Variants in EXD1 observed in about 807,000 individuals in gnomAD.
EXD1 encodes the protein exonuclease 3'-5' domain containing 1, also known as piRNA biogenesis protein EXD1.
EXD1 carries 63 observed loss-of-function variants against 49.1 expected under a neutral mutation model. That is an observed-to-expected ratio of 1.28 (90% CI 1.05 to 1.58). The LOEUF (loss-of-function observed/expected upper bound fraction) is 1.58. EXD1 is among the 40% of genes most tolerant of loss of function. The pLI is 0.00. For missense variants in EXD1, 748 were observed against 666.0 expected (o/e 1.12, Z -1.36); for synonymous variants, 234 against 239.2 (o/e 0.98, Z 0.20).
Position 41,183,956 on chromosome 15 carries a change from A to C in EXD1, c.1694T>G (p.Ile565Arg). Residue 565 changes from isoleucine (I) to arginine (R), a missense_variant, in exon 12 of 12, where the codon ATA (isoleucine) becomes AGA (arginine). Coordinates refer to ENST00000458580, the MANE Select transcript of EXD1 (RefSeq NM_001286441.2). The part of the protein sequence containing the change: ...CPALEKIDSW[I>R]SPFLNLP ...CTAGGGCAGATTTAGAAAAGGACTT[A>C]TCCAGGAATCGATCTTCTCCAAGGC... 2 of 1,605,140 alleles carry C rather than the reference A, an allele frequency of 1.2e-6. No homozygotes were observed. The highest frequency in any genetic ancestry group is 2.7e-5 in the African/African-American group (2 of 74,678).
At position 41,221,873 on chromosome 15, in the gene EXD1, G is replaced by A. The variant is rs138103771; in HGVS notation, c.134-1975C>T. On this transcript the variant is annotated intron_variant, in intron 2 of 11. Transcript: ENST00000458580. Reference sequence around the variant, plus strand: ...ATTCCAGCACTTGAGAGGCTGAGGCGGGTGGATCATGAGGTCAGGAGTTCA... The same window carrying A: ...ATTCCAGCACTTGAGAGGCTGAGGCAGGTGGATCATGAGGTCAGGAGTTCA... 5.0e-3 allele frequency among the ~76,000 whole-genome samples: 754 copies of A among 151,926 alleles called. 4 individuals carry two copies. Among genetic ancestry groups the A allele is most frequent in the Middle Eastern group, 0.014 (4 of 292 alleles).
chr15:41,199,419 CTT>C (rs778431643), intron 7 of EXD1, among the ~76,000 whole-genome samples: 106 of 147,704 alleles, frequency 7.2e-4, no homozygotes, highest in Non-Finnish European at 1.4e-3. Flanking sequence ...TTTTAAGAGT[CTT>C]TCAAAAAAAA....
chr15:41,200,853 A>C (rs1177163751), intron 7 of EXD1, among the ~76,000 whole-genome samples: 2 of 151,548 alleles, frequency 1.3e-5, no homozygotes, highest in African/African-American at 4.9e-5. Flanking sequence ...AACAACCCCC[A>C]CACATCTGGG....
intron 9 of EXD1, among the ~76,000 whole-genome samples, 183 bp from the exon 10 acceptor site, chr15:41,191,768 C>T (rs1195776733): frequency 6.6e-6 from 1 of 151,212 alleles, no homozygotes; most frequent in Non-Finnish European, 1.5e-5. Context: ...AAAAAAAAAA[C>T]GGAATAAAAG....
chr15:41,192,276 T>G (rs541646810), intron 9 of EXD1: 1 of 152,658 alleles, frequency 6.6e-6, no homozygotes, highest in East Asian at 1.9e-4. Context: ...AACCCAACTT[T>G]GCGTTTCCTT....
At chr15:41,190,389 C>T (rs2046493832) in intron 10 of EXD1, 2 of 398,808 alleles carry the variant, frequency 5.0e-6, no homozygotes, top group East Asian at 5.4e-5. Flanking sequence ...AGGAGAATCG[C>T]TTAAACCTGG....
chr15:41,206,865 C>T (rs1243605181), intron 7 of EXD1, among the ~76,000 whole-genome samples: 11 of 145,926 alleles, frequency 7.5e-5, no homozygotes, highest in African/African-American at 2.8e-4. Flanking sequence ...TGTGATCTGC[C>T]CACCGTAGCC....
At chr15:41,203,239 G>A (rs1207837050) in intron 7 of EXD1, among the ~76,000 whole-genome samples, 1 of 152,014 alleles carries the variant, frequency 6.6e-6, no homozygotes, top group African/African-American at 2.4e-5. Context: ...ATGAGGAGAC[G>A]TAACCCCCCA....
At chr15:41,206,859 A>G (rs1425186911) in intron 7 of EXD1, among the ~76,000 whole-genome samples, 1 of 130,298 alleles carries the variant, frequency 7.7e-6, no homozygotes, top group African/African-American at 2.8e-5. Context: ...TGACCTTGTG[A>G]TCTGCCCACC....
rs576612217 is a variant in EXD1 at position 41,184,511 on chromosome 15, T to C, written c.1139A>G (p.Tyr380Cys). 11 of 1,613,824 alleles carry C rather than the reference T, an allele frequency of 6.8e-6. No homozygotes were observed. The highest frequency in any genetic ancestry group is 6.7e-5 in the East Asian group (3 of 44,888). Residue 380 changes from tyrosine (Y) to cysteine (C), a missense_variant, in exon 12 of 12, where the codon TAT becomes TGT. Physicochemically the swap from Tyr to Cys is radical, Grantham distance 194. Coordinates refer to ENST00000458580, the MANE Select transcript of EXD1 (RefSeq NM_001286441.2). ...CAGGAGTCCCTGTGCATTCACCCTA[T>C]ATTCTCTTGCAGCTTTCTCCCTGCG... is the stretch of plus-strand genomic sequence containing the variant. ...KQRREKAARE[Y>C]RVNAQGLLIR...
In EXD1 at chr15:41,191,591, G is replaced by C. The variant is rs774082866; in HGVS notation, c.721-6C>G. On this transcript the variant is annotated splice_polypyrimidine_tract_variant and splice_region_variant and intron_variant, in intron 9 of 11. Coordinates refer to ENST00000458580, the MANE Select transcript of EXD1 (RefSeq NM_001286441.2). ...AACTGAAGTACATCTGCTACCTGTG[G>C]TATTTTAAAAAGACAAACAGACCAG... is the stretch of plus-strand genomic sequence containing the variant. 2 of 1,613,186 alleles carry C rather than the reference G, an allele frequency of 1.2e-6. No homozygotes were observed. Among genetic ancestry groups the C allele is most frequent in the Admixed American group, 3.3e-5 (2 of 59,876 alleles).
chr15:41,222,130 C>A (rs773055494), intron 2 of EXD1, among the ~76,000 whole-genome samples: 4 of 151,624 alleles, frequency 2.6e-5, no homozygotes, highest in Non-Finnish European at 4.4e-5. Context: ...AATTTTCAAA[C>A]GGGGCCAGGC....
intron 1 of EXD1, among the ~76,000 whole-genome samples, chr15:41,227,783 C>T (rs964744148): frequency 6.6e-6 from 1 of 152,042 alleles, no homozygotes. Flanking sequence ...GGTGCAGTGG[C>T]TTATGCCAGT....
intron 10 of EXD1, chr15:41,190,474 C>A: frequency 1.6e-5 from 4 of 242,776 alleles, no homozygotes; most frequent in Admixed American, 4.9e-5. Context: ...AGCGAGACTC[C>A]GTCTCAAAAA....
chr15:41,224,650 G>C lies in EXD1; in HGVS notation c.133+1793C>G, dbSNP rs532891274. Among the ~76,000 whole-genome samples, 131 of 152,270 alleles carry C rather than the reference G, an allele frequency of 8.6e-4. No individual in the cohort carries two copies. The South Asian group carries it at 0.016, about 19-fold the overall frequency. On this transcript the variant is annotated intron_variant, in intron 2 of 11. Transcript: ENST00000458580. ...CGAAGCTATTTCATTGGATGCAGCT[G>C]CAAGTTGTAAGATTTAAGGTTGTCC...
At chr15:41,203,944 A>AAAAAAAAAAC (rs2046776904) in intron 7 of EXD1, among the ~76,000 whole-genome samples, 2 of 139,846 alleles carry the variant, frequency 1.4e-5, no homozygotes, top group African/African-American at 5.4e-5. Context: ...AAAAAAAAAA[A>AAAAAAAAAAC]CCCTAAAAAT....
At chr15:41,228,272 T>A (rs773025007) in intron 1 of EXD1, among the ~76,000 whole-genome samples, 1 of 152,122 alleles carries the variant, frequency 6.6e-6, no homozygotes, top group Non-Finnish European at 1.5e-5. Flanking sequence ...CATAAAAACA[T>A]TGATGAAATA....
At chr15:41,222,111 C>A (rs1187933671) in intron 2 of EXD1, among the ~76,000 whole-genome samples, 2 of 151,536 alleles carry the variant, frequency 1.3e-5, no homozygotes, top group African/African-American at 2.4e-5. Context: ...GAAAAAAAAA[C>A]AAAAAAAGAA....
chr15:41,219,832 T>A lies in EXD1; in HGVS notation c.200A>T (p.Asn67Ile). Residue 67 changes from asparagine to isoleucine, a missense_variant and splice_region_variant, in exon 3 of 12, where the codon AAT becomes ATT. Physicochemically the swap from Asn to Ile is moderately radical, Grantham distance 149 (BLOSUM62 -3). Coordinates refer to ENST00000458580, the MANE Select transcript of EXD1 (RefSeq NM_001286441.2). ...TTCAAGGAACATGGGGGTCTCACCA[T>A]TCACAATCTCATGCCCAAAAAACAA... ...VKLFFGHEIV[N>I]VELLDEVEQG... The A allele has an allele frequency of 6.5e-7, 1 of 1,535,496 alleles. No homozygotes were observed. The highest frequency in any genetic ancestry group is 8.7e-7 in the Non-Finnish European group (1 of 1,146,490).
Sources: gnomAD v4.1 joint callset for allele counts (sites outside exome capture counted in the v4.1 genomes callset) on GRCh38, gnomAD v4.1.1 for gene constraint, MANE v1.5 for transcripts, NCBI Gene and HGNC (gene_info 2026-07-23, HGNC 2026-07-21) for gene names.